OXR1: variants seen among roughly 807,000 people sequenced by gnomAD.
OXR1 encodes oxidation resistance 1.
Under a neutral mutation model 104.6 loss-of-function variants are expected in OXR1, and 41 were observed. The ratio of observed to expected loss-of-function variants is 0.39; its 90% CI spans 0.31 to 0.51. The LOEUF is 0.51. Among genes scored for constraint, OXR1 ranks in the 20% least tolerant of loss-of-function variants. The pLI is 0.77. For synonymous variants in OXR1, 348 were observed against 348.4 expected (o/e 1.00, Z 0.01); for missense variants, 955 against 1,031.9 (o/e 0.93, Z 1.02).
At chr8:106,700,084 A>G (rs1830451995) in intron 7 of OXR1, among the ~76,000 whole-genome samples, 1 of 152,092 alleles carries the variant, frequency 6.6e-6, no homozygotes, top group Non-Finnish European at 1.5e-5. Context: ...ATTTCTCTTT[A>G]GAAGATTAGT....
chr8:106,517,321 A>C (rs956997401), intron 2 of OXR1, among the ~76,000 whole-genome samples: 1 of 152,100 alleles, frequency 6.6e-6, no homozygotes, highest in Admixed American at 6.6e-5. Flanking sequence ...CTTTGCTCAA[A>C]ACTATTTTTA....
intron 7 of OXR1, among the ~76,000 whole-genome samples, chr8:106,695,503 C>T (rs530035251): frequency 2.6e-5 from 4 of 151,818 alleles, no homozygotes; most frequent in East Asian, 1.9e-4. Flanking sequence ...CTGCAACTTC[C>T]GCCTCCCAGG....
chr8:106,634,982 C>T (rs79295072), intron 3 of OXR1, among the ~76,000 whole-genome samples: 1,700 of 152,222 alleles, frequency 0.011, 37 homozygotes, highest in African/African-American at 0.038. Context: ...ATAAGTGATT[C>T]ATTTGCATAT....
chr8:106,592,572 T>C (rs1290846451), intron 3 of OXR1, among the ~76,000 whole-genome samples: 2 of 151,764 alleles, frequency 1.3e-5, no homozygotes, highest in African/African-American at 4.8e-5. Context: ...AACAGTGAAA[T>C]GAAGAGAAGA....
At chr8:106,695,537 C>G (rs1036348310) in intron 7 of OXR1, among the ~76,000 whole-genome samples, 139 of 152,032 alleles carry the variant, frequency 9.1e-4, no homozygotes, top group African/African-American at 3.1e-3. Context: ...CCTGCCTCAG[C>G]CTCCTGAGTA....
rs187765532 is a variant in OXR1 at position 106,427,021 on chromosome 8, T to G, written c.23+67385T>G. Among the ~76,000 whole-genome samples, 181 of 152,268 alleles carry G rather than the reference T, an allele frequency of 1.2e-3. No homozygotes were observed. In the Middle Eastern group the frequency reaches 0.02, roughly 17 times the overall value. ...TCCCATTGATTTTAATTCTGCTTCA[T>G]GGCTGCGCGTTTTGTATACTGATTC... On this transcript the variant is annotated intron_variant, in intron 2 of 16. Coordinates refer to ENST00000517566, the MANE Select transcript of OXR1 (RefSeq NM_001198533.2).
At chr8:106,339,297 C>T (rs1229112258) in intron 1 of OXR1, among the ~76,000 whole-genome samples, 1 of 151,048 alleles carries the variant, frequency 6.6e-6, no homozygotes, top group Non-Finnish European at 1.5e-5. Context: ...AGATAGAGAC[C>T]ATCCTGGCTA....
rs1255891744 is a variant in OXR1, at chr8:106,742,266, C to G, written c.2361C>G (p.Gly787=). The G allele has an allele frequency of 1.2e-6, 2 of 1,611,828 alleles. No individual in the cohort carries two copies. Among genetic ancestry groups the G allele is most frequent in the South Asian group, 2.2e-5 (2 of 90,936 alleles). ...CTGAGCCACTGAAAGTGAGTGATGG[C>G]TTTTATGGTACTGGAGAGACCTTTG... ...LASEPLKVSD[G]FYGTGETFVF... is the part of the protein sequence containing the mutation. Residue 787 remains glycine, a synonymous_variant, in exon 15 of 17, where the codon GGC becomes GGG. Transcript: ENST00000517566.
At chr8:106,356,082 A>C (rs1815956197) in intron 1 of OXR1, among the ~76,000 whole-genome samples, 1 of 152,192 alleles carries the variant, frequency 6.6e-6, no homozygotes, top group African/African-American at 2.4e-5. Context: ...GAGTGAGGGC[A>C]TGGTTGGTCA....
At chr8:106,615,999 G>A (rs1049098740) in intron 3 of OXR1, among the ~76,000 whole-genome samples, 3 of 149,642 alleles carry the variant, frequency 2.0e-5, no homozygotes, top group Non-Finnish European at 4.4e-5. Flanking sequence ...CTAAGGAAGA[G>A]AATGGAAATT....
intron 3 of OXR1, among the ~76,000 whole-genome samples, chr8:106,652,825 A>G (rs1213708674): frequency 6.6e-6 from 1 of 151,812 alleles, no homozygotes; most frequent in Non-Finnish European, 1.5e-5. Context: ...AACCTCATTA[A>G]TGAAACCTCA....
At chr8:106,602,004 T>G (rs1820006918) in intron 3 of OXR1, among the ~76,000 whole-genome samples, 4 of 152,040 alleles carry the variant, frequency 2.6e-5, no homozygotes, top group Admixed American at 2.6e-4. Flanking sequence ...CAAGAAGTGA[T>G]GGGTGACCCT....
At chr8:106,395,917 A>C (rs1817759714) in intron 2 of OXR1, among the ~76,000 whole-genome samples, 2 of 152,046 alleles carry the variant, frequency 1.3e-5, no homozygotes, top group South Asian at 4.1e-4. Flanking sequence ...GTGCTCAAAA[A>C]AAGAAAAGAA....
At chr8:106,663,753 G>A (rs1175179265) in intron 3 of OXR1, among the ~76,000 whole-genome samples, 1 of 152,122 alleles carries the variant, frequency 6.6e-6, no homozygotes, top group Non-Finnish European at 1.5e-5. Context: ...GCACATGCAA[G>A]GTCTAATCCC....
At chr8:106,370,040 T>C (rs1421354332) in intron 2 of OXR1, among the ~76,000 whole-genome samples, 3 of 152,242 alleles carry the variant, frequency 2.0e-5, no homozygotes. Flanking sequence ...GGATGGAATG[T>C]TTTTCCATTT....
intron 3 of OXR1, among the ~76,000 whole-genome samples, chr8:106,561,423 T>C (rs1816671436): frequency 6.6e-6 from 1 of 152,144 alleles, no homozygotes; most frequent in Admixed American, 6.5e-5. Context: ...ACTTCCTCTC[T>C]AGATTCCTTC....
intron 11 of OXR1, among the ~76,000 whole-genome samples, chr8:106,726,730 T>G (rs2131494826): frequency 6.6e-6 from 1 of 152,292 alleles, no homozygotes; most frequent in South Asian, 2.1e-4. Context: ...AGGGTATAAT[T>G]TTAAGAATCT....
At chr8:106,682,640 T>C (rs981233710) in intron 4 of OXR1, 1 of 154,282 alleles carries the variant, frequency 6.5e-6, no homozygotes, top group African/African-American at 2.4e-5. Flanking sequence ...CAAGTGACAT[T>C]TTCTTTTAGG....
intron 1 of OXR1, among the ~76,000 whole-genome samples, chr8:106,347,135 G>T (rs1815525128): frequency 6.6e-6 from 1 of 152,238 alleles, no homozygotes; most frequent in East Asian, 1.9e-4. Context: ...GGCTTTTAGA[G>T]AATAGGCAAT....
Sources: allele counts gnomAD v4.1 joint callset (sites outside exome capture counted in the v4.1 genomes callset), GRCh38; gene constraint gnomAD v4.1.1; transcripts MANE v1.5; gene names NCBI Gene and HGNC (gene_info 2026-07-23, HGNC 2026-07-21).